OPRM1: variants seen among roughly 807,000 people sequenced by gnomAD.
OPRM1 encodes the protein mu-type opioid receptor.
A neutral mutation model predicts 31.8 loss-of-function variants in OPRM1; 27 were observed. The ratio of observed to expected loss-of-function variants is 0.85; its 90% CI spans 0.63 to 1.17. The LOEUF is 1.17. Among genes scored for constraint, OPRM1 ranks in the 50% most tolerant of loss-of-function variants. OPRM1 has a pLI of 0.00. For synonymous variants in OPRM1, 196 were observed against 189.9 expected (o/e 1.03, Z -0.26); for missense variants, 536 against 511.1 (o/e 1.05, Z -0.47).
intron 3 of OPRM1, among the ~76,000 whole-genome samples, chr6:154,171,502 T>C (rs1241852227): frequency 6.6e-6 from 1 of 152,078 alleles, no homozygotes; most frequent in Non-Finnish European, 1.5e-5. Context: ...AGCTAATGTG[T>C]AAGGATTTCT....
At chr6:154,229,865 C>T (rs1235104325) in intron 3 of OPRM1, among the ~76,000 whole-genome samples, 3 of 152,140 alleles carry the variant, frequency 2.0e-5, no homozygotes, top group South Asian at 2.1e-4. Context: ...AGCCATACGA[C>T]GAAATGCTAT....
In OPRM1 at chr6:154,168,612, T is replaced by C. The variant is rs567269969; in HGVS notation, c.1164+77140T>C. ...ATTAATTAATTAATTAATTTTATTATTATTTTTTTTGAGACGGAGTTTTAC... is the reference window on the plus strand; with the variant it reads ...ATTAATTAATTAATTAATTTTATTACTATTTTTTTTGAGACGGAGTTTTAC... On this transcript the variant is annotated intron_variant, in intron 3 of 3. Coordinates refer to the OPRM1 transcript ENST00000337049. This position sits in a 1 kb window ranked among gnomAD's most constrained non-coding sequence, Gnocchi z 4.1. 1.3e-5 allele frequency among the ~76,000 whole-genome samples: 2 copies of C among 152,056 alleles called. No individual in the cohort carries two copies. The highest frequency in any genetic ancestry group is 2.9e-5 in the Non-Finnish European group (2 of 68,020).
intron 3 of OPRM1, among the ~76,000 whole-genome samples, chr6:154,206,027 G>A (rs1777465266): frequency 6.6e-6 from 1 of 152,074 alleles, no homozygotes; most frequent in Non-Finnish European, 1.5e-5. Flanking sequence ...TGGCTATCAA[G>A]AGATGCCAGG....
chr6:154,240,737 T>A (rs1373615606), intron 3 of OPRM1, among the ~76,000 whole-genome samples: 1 of 152,234 alleles, frequency 6.6e-6, no homozygotes, highest in Non-Finnish European at 1.5e-5. Context: ...GAAGTGTGCA[T>A]GCAGCTAGAG....
At chr6:154,196,163 T>C (rs1776611516) in intron 3 of OPRM1, among the ~76,000 whole-genome samples, 1 of 152,162 alleles carries the variant, frequency 6.6e-6, no homozygotes, top group Non-Finnish European at 1.5e-5. Flanking sequence ...AAAAAAATGA[T>C]ATATACACAA....
chr6:154,199,216 C>A (rs1192852387), intron 3 of OPRM1, among the ~76,000 whole-genome samples: 1 of 152,204 alleles, frequency 6.6e-6, no homozygotes, highest in Admixed American at 6.5e-5. Flanking sequence ...CATTCAGGAG[C>A]CGACAGGCTA....
At chr6:154,087,139 C>T (rs570323331) in intron 1 of OPRM1, 1 of 985,224 alleles carries the variant, frequency 1.0e-6, no homozygotes, top group Non-Finnish European at 1.2e-6. Context: ...CAAAAAAAAG[C>T]CCCCAAGTCT....
chr6:154,105,238 C>T (rs1022306139), intron 3 of OPRM1, among the ~76,000 whole-genome samples: 6 of 152,128 alleles, frequency 3.9e-5, no homozygotes, highest in African/African-American at 1.4e-4. Context: ...AAATATGCTC[C>T]AAATTTTGTT....
intron 3 of OPRM1, chr6:154,159,849 G>A (rs772751939): frequency 2.2e-5 from 35 of 1,611,070 alleles, no homozygotes; most frequent in Non-Finnish European, 2.8e-5. Context: ...TTTCAACAGA[G>A]GGAGAAGAAG....
intron 3 of OPRM1, among the ~76,000 whole-genome samples, chr6:154,175,183 G>T (rs577554910): frequency 5.3e-5 from 8 of 152,262 alleles, no homozygotes; most frequent in Non-Finnish European, 1.2e-4. Context: ...GTGTTTAGAG[G>T]GAAATTTACA....
chr6:154,115,961 C>G (rs544831839), intron 3 of OPRM1, among the ~76,000 whole-genome samples: 3 of 152,164 alleles, frequency 2.0e-5, no homozygotes, highest in Non-Finnish European at 4.4e-5. Context: ...ATGATCAGGT[C>G]CCTTTGGAGG....
At chr6:154,211,890 G>A (rs74514478) in intron 3 of OPRM1, among the ~76,000 whole-genome samples, 2,552 of 152,204 alleles carry the variant, frequency 0.017, 25 homozygotes, top group Non-Finnish European at 0.025. Flanking sequence ...AGAAAAAGGA[G>A]GAGGAGGAAG....
Position 154,128,533 on chromosome 6 carries a change from A to T in OPRM1, c.*9812A>T, listed in dbSNP as rs1005804650. On this transcript the variant is annotated 3_prime_UTR_variant, in exon 4 of 4. Coordinates refer to ENST00000330432, the MANE Select transcript of OPRM1 (RefSeq NM_000914.5). ...TGTTGCCCCATGAATGTGCACATGC[A>T]TATTAAAATATGGGCACCTCTTTTA... 6.6e-6 allele frequency among the ~76,000 whole-genome samples: 1 copy of T among 152,240 alleles called. No individual in the cohort carries two copies. Among genetic ancestry groups the T allele is most frequent in the Non-Finnish European group, 1.5e-5 (1 of 68,040 alleles).
intron 3 of OPRM1, among the ~76,000 whole-genome samples, chr6:154,184,917 G>A (rs751604340): frequency 1.3e-5 from 2 of 151,820 alleles, no homozygotes; most frequent in African/African-American, 2.4e-5. Context: ...ATGTTATAAT[G>A]TGTCACAAGA....
intron 3 of OPRM1, among the ~76,000 whole-genome samples, chr6:154,226,040 T>C (rs72574410): frequency 0.043 from 6,487 of 152,294 alleles, 293 homozygotes; most frequent in East Asian, 0.2. Flanking sequence ...TGCTCCCCTT[T>C]TTCCTCTAAC....
At chr6:154,151,940 T>G (rs1196863437) in intron 3 of OPRM1, among the ~76,000 whole-genome samples, 1 of 151,834 alleles carries the variant, frequency 6.6e-6, no homozygotes, top group Non-Finnish European at 1.5e-5. Flanking sequence ...TTTGGGAGGC[T>G]GAGGTGGGTG....
At chr6:154,244,878 A>G (rs1187988209) in intron 3 of OPRM1, among the ~76,000 whole-genome samples, 3 of 152,300 alleles carry the variant, frequency 2.0e-5, no homozygotes, top group African/African-American at 2.4e-5. Context: ...TCAGCGTCCA[A>G]TCTTTCCAAC....
intron 3 of OPRM1, among the ~76,000 whole-genome samples, chr6:154,243,307 G>T (rs183798745): frequency 6.6e-6 from 1 of 152,184 alleles, no homozygotes; most frequent in African/African-American, 2.4e-5. Flanking sequence ...GGATTTCTAC[G>T]GCTGTTAAAC....
intron 1 of OPRM1, among the ~76,000 whole-genome samples, chr6:154,054,261 C>T (rs898908592): frequency 4.8e-5 from 7 of 146,694 alleles, no homozygotes; most frequent in African/African-American, 1.8e-4. Flanking sequence ...CCCAGCTACT[C>T]GGGAGGCTGG....
Sources: gnomAD v4.1 joint callset for allele counts (sites outside exome capture counted in the v4.1 genomes callset) on GRCh38, gnomAD v4.1.1 for gene constraint, Gnocchi (gnomAD v3.1) non-coding constraint, MANE v1.5 for transcripts, NCBI Gene and HGNC (gene_info 2026-07-23, HGNC 2026-07-21) for gene names.